SGCZ: variants seen among roughly 807,000 people sequenced by gnomAD.
SGCZ encodes zeta-sarcoglycan.
In SGCZ, 40 loss-of-function variants were observed where a neutral mutation model predicts 41.3. The ratio of observed to expected loss-of-function variants is 0.97; its 90% CI spans 0.75 to 1.26. The LOEUF (loss-of-function observed/expected upper bound fraction) is 1.26, where lower values mean the gene tolerates loss of function less well. Among genes scored for constraint, SGCZ ranks in the 50% most tolerant of loss-of-function variants. The pLI, the probability that SGCZ is intolerant of heterozygous loss-of-function variation, is 0.00. For missense variants in SGCZ, 552 were observed against 369.8 expected, an observed-to-expected ratio of 1.49 and a Z score of -4.04; for synonymous variants, 206 against 137.5, an observed-to-expected ratio of 1.50 and a Z score of -3.49.
chr8:14,470,997 T>C (rs892206008), intron 2 of SGCZ, among the ~76,000 whole-genome samples: 3 of 152,160 alleles, frequency 2.0e-5, no homozygotes, highest in Non-Finnish European at 2.9e-5. Flanking sequence ...CTAAGTTAAC[T>C]GAAGGAGTGC....
At chr8:14,449,671 C>T (rs571466510) in intron 2 of SGCZ, among the ~76,000 whole-genome samples, 2 of 152,116 alleles carry the variant, frequency 1.3e-5, no homozygotes, top group Non-Finnish European at 2.9e-5. Context: ...CCCCGCTTGG[C>T]CTTTCACCCT....
At chr8:14,309,603 A>C in intron 3 of SGCZ, 1 of 1,610,884 alleles carries the variant, frequency 6.2e-7, no homozygotes, top group East Asian at 2.2e-5. Context: ...AAAGATAGTG[A>C]CTGGTTATCA....
chr8:15,206,679 C>T (rs897308761), intron 1 of SGCZ, among the ~76,000 whole-genome samples: 10 of 152,088 alleles, frequency 6.6e-5, no homozygotes, highest in African/African-American at 2.2e-4. Flanking sequence ...GAACTCCTGA[C>T]ATTGTGATCC....
chr8:14,437,050 C>G (rs999520341), intron 2 of SGCZ, among the ~76,000 whole-genome samples: 3 of 152,132 alleles, frequency 2.0e-5, no homozygotes, highest in African/African-American at 4.8e-5. Flanking sequence ...AATTAAAATA[C>G]TTTTCAAATG....
At chr8:14,522,308 T>C (rs1289815357) in intron 2 of SGCZ, among the ~76,000 whole-genome samples, 4 of 152,082 alleles carry the variant, frequency 2.6e-5, no homozygotes, top group African/African-American at 9.6e-5. Context: ...GAAGTGATTA[T>C]GTGGAATTCC....
At chr8:15,047,292 C>T (rs1804343961) in intron 1 of SGCZ, among the ~76,000 whole-genome samples, 1 of 152,026 alleles carries the variant, frequency 6.6e-6, no homozygotes. Context: ...GTAATTCACA[C>T]TTCTATCAAG....
intron 2 of SGCZ, among the ~76,000 whole-genome samples, chr8:14,548,358 G>A (rs536864520): frequency 6.6e-6 from 1 of 152,174 alleles, no homozygotes; most frequent in Admixed American, 6.5e-5. Flanking sequence ...AATACTCCAC[G>A]GGCAGGGAAG....
intron 1 of SGCZ, among the ~76,000 whole-genome samples, chr8:14,827,688 C>T (rs537223807): frequency 1.3e-5 from 2 of 152,290 alleles, no homozygotes; most frequent in Non-Finnish European, 2.9e-5. Context: ...TAAATATTTA[C>T]TATCTAGCCC....
chr8:15,053,028 C>T (rs1365117061), intron 1 of SGCZ, among the ~76,000 whole-genome samples: 1 of 152,128 alleles, frequency 6.6e-6, no homozygotes, highest in Non-Finnish European at 1.5e-5. Context: ...CTTCAAAATC[C>T]AGCATTCCTC....
chr8:14,640,174 T>A (rs899825808), intron 1 of SGCZ, among the ~76,000 whole-genome samples: 1 of 150,794 alleles, frequency 6.6e-6, no homozygotes, highest in Non-Finnish European at 1.5e-5. Context: ...TTGGGAAGAA[T>A]AGTAAAAGCA....
At chr8:14,363,744 C>G (rs1299463047) in intron 2 of SGCZ, among the ~76,000 whole-genome samples, 1 of 152,142 alleles carries the variant, frequency 6.6e-6, no homozygotes, top group African/African-American at 2.4e-5. Flanking sequence ...GCCTCCTTTA[C>G]AAATGGCAGA....
At chr8:14,684,944 T>C (rs1404407159) in intron 1 of SGCZ, among the ~76,000 whole-genome samples, 2 of 152,134 alleles carry the variant, frequency 1.3e-5, no homozygotes, top group African/African-American at 2.4e-5. Context: ...GCATTTCCTA[T>C]GTAATTAAAT....
At chr8:15,126,973 C>G (rs1217847217) in intron 1 of SGCZ, among the ~76,000 whole-genome samples, 1 of 152,150 alleles carries the variant, frequency 6.6e-6, no homozygotes, top group East Asian at 1.9e-4. Context: ...TTAAGCATCT[C>G]TTTGACGTCC....
Position 15,186,960 on chromosome 8 carries a change from A to G in SGCZ, c.39+50625T>C, listed in dbSNP as rs188337118. Among the ~76,000 whole-genome samples the G allele has an allele frequency of 1.5e-3, 236 of 152,268 alleles. 3 individuals are homozygous for G. Among genetic ancestry groups the G allele is most frequent in the Admixed American group, 2.7e-3 (41 of 15,302 alleles). On this transcript the variant is annotated intron_variant, in intron 1 of 7. Coordinates refer to ENST00000382080, the MANE Select transcript of SGCZ (RefSeq NM_139167.4). ...AGATAATCACTTTTTTCATGATATA[A>G]TGTCAGTTGAGAGGAGACCTTTCTA...
intron 1 of SGCZ, among the ~76,000 whole-genome samples, chr8:15,232,724 TATATAC>T (rs1801987314): frequency 6.8e-6 from 1 of 147,072 alleles, no homozygotes; most frequent in Admixed American, 6.9e-5. Flanking sequence ...TGTGTGTATA[TATATAC>T]ATATATATGT....
chr8:14,225,633 T>C (rs143174156), intron 4 of SGCZ, among the ~76,000 whole-genome samples: 1 of 152,202 alleles, frequency 6.6e-6, no homozygotes, highest in African/African-American at 2.4e-5. Flanking sequence ...CACATATATG[T>C]GATATGCTAA....
intron 4 of SGCZ, among the ~76,000 whole-genome samples, chr8:14,210,152 G>C (rs1352732563): frequency 6.6e-6 from 1 of 152,140 alleles, no homozygotes; most frequent in Non-Finnish European, 1.5e-5. Flanking sequence ...CCGCCTACCA[G>C]GCTCAAGCAA....
intron 1 of SGCZ, among the ~76,000 whole-genome samples, chr8:14,681,778 T>A (rs1808454096): frequency 6.6e-6 from 1 of 152,190 alleles, no homozygotes; most frequent in South Asian, 2.1e-4. Flanking sequence ...GAGAGAGGTC[T>A]CTGCATGTTT....
At chr8:14,676,321 T>C (rs1190445670) in intron 1 of SGCZ, among the ~76,000 whole-genome samples, 2 of 135,184 alleles carry the variant, frequency 1.5e-5, no homozygotes, top group Admixed American at 1.6e-4. Context: ...CATAGAGAGA[T>C]CCCACCTCTA....
Sources: gnomAD v4.1 joint callset for allele counts (sites outside exome capture counted in the v4.1 genomes callset) on GRCh38, gnomAD v4.1.1 for gene constraint, MANE v1.5 for transcripts, NCBI Gene and HGNC (gene_info 2026-07-23, HGNC 2026-07-21) for gene names.